The following GNA12 variants were observed in gnomAD, a reference collection of about 807,000 sequenced individuals.
GNA12 encodes guanine nucleotide-binding protein subunit alpha-12.
GNA12 carries 9 observed loss-of-function variants against 26.0 expected under a neutral mutation model. The ratio of observed to expected loss-of-function variants is 0.35; its 90% CI spans 0.21 to 0.60. The LOEUF (loss-of-function observed/expected upper bound fraction) is 0.60, where lower values mean the gene tolerates loss of function less well. Ranked by LOEUF, GNA12 falls within the 20% of genes least tolerant of loss-of-function variation. The pLI, the probability that GNA12 is intolerant of heterozygous loss-of-function variation, is 0.78. For missense variants in GNA12, 405 were observed against 525.8 expected, an observed-to-expected ratio of 0.77 and a Z score of 2.25; for synonymous variants, 264 against 219.6, an observed-to-expected ratio of 1.20 and a Z score of -1.79.
At position 2,844,257 on chromosome 7, in the gene GNA12, C is replaced by T. The variant is rs959737901; in HGVS notation, c.-96G>A. 7.5e-5 allele frequency: 42 copies of T among 558,196 alleles called. No homozygotes were observed. Among genetic ancestry groups the T allele is most frequent in the Non-Finnish European group, 8.4e-5 (37 of 441,456 alleles). 34.6% of individuals were successfully genotyped at this position (558,196 alleles called of 1,614,324 possible). On this transcript the variant is annotated 5_prime_UTR_variant, in exon 1 of 4. Transcript: ENST00000275364. Reference sequence around the variant, plus strand: ...CCCGGGCCGAGGCACCGCCCCACGCCCCGCCGCTCGCCTCAGGCCGCGTCC... The same window carrying T: ...CCCGGGCCGAGGCACCGCCCCACGCTCCGCCGCTCGCCTCAGGCCGCGTCC...
At chr7:2,780,441 G>C (rs1003695171) in intron 2 of GNA12, among the ~76,000 whole-genome samples, 1 of 152,010 alleles carries the variant, frequency 6.6e-6, no homozygotes, top group African/African-American at 2.4e-5. Context: ...CGATAAAATA[G>C]CAATCACAAA....
At chr7:2,772,559 CA>C (rs60736477) in intron 2 of GNA12, among the ~76,000 whole-genome samples, 281 of 113,606 alleles carry the variant, frequency 2.5e-3, no homozygotes, top group Admixed American at 2.8e-3. Context: ...GACTCCATCT[CA>C]AAAAAAAAAA....
At chr7:2,778,880 G>T (rs575354223) in intron 2 of GNA12, among the ~76,000 whole-genome samples, 3 of 152,244 alleles carry the variant, frequency 2.0e-5, no homozygotes, top group African/African-American at 7.2e-5. Flanking sequence ...TTGAAATCTG[G>T]TAAAAGTGGA....
rs141458092 is a variant in GNA12 at position 2,797,965 on chromosome 7, T to G, written c.310-2822A>C. Among the ~76,000 whole-genome samples the G allele has an allele frequency of 1.3e-4, 20 of 152,168 alleles. No individual in the cohort carries two copies. The East Asian group carries it at 3.9e-3, about 29-fold the overall frequency. On this transcript the variant is annotated intron_variant, in intron 1 of 3. Transcript: ENST00000275364. ...CACCCACTCATGATTTTAAAAAACCTTTGCAAACTAGGAACAGAGAAATGC... is the reference window on the plus strand; with the variant it reads ...CACCCACTCATGATTTTAAAAAACCGTTGCAAACTAGGAACAGAGAAATGC...
intron 2 of GNA12, among the ~76,000 whole-genome samples, chr7:2,734,098 TCTC>T (rs952297366): frequency 2.6e-5 from 4 of 152,308 alleles, no homozygotes; most frequent in African/African-American, 7.2e-5. Context: ...TGGCCAGTCT[TCTC>T]CTGCCTGGAC....
At chr7:2,765,033 A>T (rs557475373) in intron 2 of GNA12, 1 of 152,390 alleles carries the variant, frequency 6.6e-6, no homozygotes, top group East Asian at 1.9e-4. Flanking sequence ...AAGGAAAGGA[A>T]GCATAATCTC....
At chr7:2,758,344 C>T (rs1421468232) in intron 2 of GNA12, among the ~76,000 whole-genome samples, 2 of 152,166 alleles carry the variant, frequency 1.3e-5, no homozygotes, top group East Asian at 1.9e-4. Context: ...CATCCTCATA[C>T]GTCGTGTGGC....
At chr7:2,765,165 T>G (rs1187258515) in intron 2 of GNA12, 1 of 151,026 alleles carries the variant, frequency 6.6e-6, no homozygotes, top group Non-Finnish European at 1.5e-5. Flanking sequence ...TTTTTTTTTT[T>G]GAGACGGAGT....
intron 2 of GNA12, among the ~76,000 whole-genome samples, chr7:2,777,182 C>T (rs1792099235): frequency 6.6e-6 from 1 of 152,158 alleles, no homozygotes; most frequent in Admixed American, 6.5e-5. Context: ...AGCACAGTGA[C>T]TGAACCTAAT....
At chr7:2,805,378 C>G (rs991261205) in intron 1 of GNA12, among the ~76,000 whole-genome samples, 1 of 152,186 alleles carries the variant, frequency 6.6e-6, no homozygotes, top group Admixed American at 6.5e-5. Context: ...AGTTATCAAG[C>G]CTGACCGATT....
chr7:2,749,334 A>C (rs1790913734), intron 2 of GNA12, among the ~76,000 whole-genome samples: 1 of 152,250 alleles, frequency 6.6e-6, no homozygotes, highest in African/African-American at 2.4e-5. Context: ...TGGAGCCATA[A>C]AAAATGATGA....
chr7:2,841,424 C>T (rs1778985393), intron 1 of GNA12, among the ~76,000 whole-genome samples: 1 of 152,066 alleles, frequency 6.6e-6, no homozygotes, highest in East Asian at 1.9e-4. Context: ...GGGCAAGCAG[C>T]AACAATAAAA....
chr7:2,766,520 G>C (rs1017575720), intron 2 of GNA12, among the ~76,000 whole-genome samples: 7 of 151,822 alleles, frequency 4.6e-5, no homozygotes, highest in Non-Finnish European at 7.4e-5. Context: ...TGAGTAGCTA[G>C]GATTACAGGC....
At chr7:2,827,168 A>G (rs554592889) in intron 1 of GNA12, among the ~76,000 whole-genome samples, 7 of 152,346 alleles carry the variant, frequency 4.6e-5, no homozygotes. Context: ...ATTTATATGA[A>G]ATATTCAGAA....
At chr7:2,771,328 C>T (rs1562419923) in intron 2 of GNA12, among the ~76,000 whole-genome samples, 1 of 152,054 alleles carries the variant, frequency 6.6e-6, no homozygotes, top group Non-Finnish European at 1.5e-5. Flanking sequence ...AACGAAACCG[C>T]ACATAGTGAA....
rs76230818 is a variant in GNA12, at chr7:2,768,835, A to G, written c.525+26093T>C. On this transcript the variant is annotated intron_variant, in intron 2 of 3. Coordinates refer to ENST00000275364, the MANE Select transcript of GNA12 (RefSeq NM_007353.3). Reference sequence around the variant, plus strand: ...GTATATTGTATGTGGAGAAATCTACACTTTAATGATTTGTTTGGTTTATAT... The same window carrying G: ...GTATATTGTATGTGGAGAAATCTACGCTTTAATGATTTGTTTGGTTTATAT... 3.7e-3 allele frequency among the ~76,000 whole-genome samples: 571 copies of G among 152,368 alleles called. 3 individuals carry two copies. The highest frequency in any genetic ancestry group is 0.013 in the African/African-American group (545 of 41,578).
chr7:2,800,248 G>A (rs1452292732), intron 1 of GNA12, among the ~76,000 whole-genome samples: 4 of 152,232 alleles, frequency 2.6e-5, no homozygotes, highest in Non-Finnish European at 5.9e-5. Context: ...CGCACTATGC[G>A]ATTCTGTTTA....
At chr7:2,763,125 T>C in intron 2 of GNA12, 7 of 1,239,054 alleles carry the variant, frequency 5.6e-6, no homozygotes, top group Non-Finnish European at 7.0e-6. Context: ...TCTTCCTCTC[T>C]CTTCTCAGAA....
rs865894136 is a variant in GNA12, at chr7:2,728,142, T to G, written c.*3039A>C. 1.3e-5 allele frequency: 2 copies of G among 152,264 alleles called. No homozygotes were observed. The highest frequency in any genetic ancestry group is 4.8e-5 in the African/African-American group (2 of 41,416). 9.4% of individuals were successfully genotyped at this position (152,264 alleles called of 1,614,324 possible). A position where few individuals can be genotyped will look rare whatever the true frequency, so the allele number is the denominator to read the frequency against. ...CAAAGAAAGACTAAATTTATTTTAATAAACATTCAGAGGCTGAGGGTGGCC... is the reference window on the plus strand; with the variant it reads ...CAAAGAAAGACTAAATTTATTTTAAGAAACATTCAGAGGCTGAGGGTGGCC... On this transcript the variant is annotated 3_prime_UTR_variant, in exon 4 of 4. Transcript: ENST00000275364.
Sources: allele counts gnomAD v4.1 joint callset (sites outside exome capture counted in the v4.1 genomes callset), GRCh38; gene constraint gnomAD v4.1.1; transcripts MANE v1.5; gene names NCBI Gene and HGNC (gene_info 2026-07-23, HGNC 2026-07-21).